SLIT3: variants seen among roughly 807,000 people sequenced by gnomAD.
SLIT3 encodes the protein slit guidance ligand 3.
In SLIT3, 68 loss-of-function variants were observed where a neutral mutation model predicts 184.0. That is an observed-to-expected ratio of 0.37 (90% CI 0.30 to 0.45). The LOEUF (loss-of-function observed/expected upper bound fraction) is 0.45, where lower values mean the gene tolerates loss of function less well. Ranked by LOEUF, SLIT3 falls within the 20% of genes least tolerant of loss-of-function variation. The pLI is 1.00. For missense variants in SLIT3, 1,707 were observed against 2,026.0 expected, an observed-to-expected ratio of 0.84 and a Z score of 3.02; for synonymous variants, 831 against 828.6, an observed-to-expected ratio of 1.00 and a Z score of -0.05.
chr5:168,933,988 CA>C (rs1297225992), intron 4 of SLIT3, among the ~76,000 whole-genome samples: 2 of 152,166 alleles, frequency 1.3e-5, no homozygotes, highest in East Asian at 3.9e-4. Context: ...GCTGCTTGCC[CA>C]ATTCCTCCCT....
intron 3 of SLIT3, among the ~76,000 whole-genome samples, chr5:169,222,875 T>C (rs748251368): frequency 1.7e-4 from 26 of 152,138 alleles, no homozygotes; most frequent in Admixed American, 2.6e-4. Context: ...CAGCCCACCG[T>C]TGACCAAAGT....
chr5:169,200,656 C>T (rs146608116), intron 3 of SLIT3, among the ~76,000 whole-genome samples: 3 of 152,240 alleles, frequency 2.0e-5, no homozygotes, highest in African/African-American at 4.8e-5. Flanking sequence ...CACTATAAAT[C>T]GGGGGCAAAA....
chr5:169,266,804 T>C (rs1159128317), intron 1 of SLIT3, among the ~76,000 whole-genome samples: 1 of 152,192 alleles, frequency 6.6e-6, no homozygotes, highest in African/African-American at 2.4e-5. Flanking sequence ...TCCATGATAA[T>C]CCAGAGCATG....
At chr5:168,827,468 C>T (rs966756047) in intron 6 of SLIT3, among the ~76,000 whole-genome samples, 3 of 152,194 alleles carry the variant, frequency 2.0e-5, no homozygotes, top group Admixed American at 2.0e-4. Context: ...CAGCTCCAAA[C>T]AGCCATTGAA....
At chr5:168,722,838 G>C (rs1762987277) in intron 22 of SLIT3, 95 bp downstream of exon 22, 1 of 933,944 alleles carries the variant, frequency 1.1e-6, no homozygotes, top group Non-Finnish European at 1.8e-6. Flanking sequence ...GGGTCATTAG[G>C]GCAGAGAAAC....
At chr5:169,148,617 G>A (rs1198564788) in intron 4 of SLIT3, among the ~76,000 whole-genome samples, 1 of 152,164 alleles carries the variant, frequency 6.6e-6, no homozygotes, top group Non-Finnish European at 1.5e-5. Flanking sequence ...TATTTTCTTT[G>A]CACGTTGTTC....
chr5:169,018,992 C>T (rs112569585), intron 4 of SLIT3, among the ~76,000 whole-genome samples: 35 of 152,188 alleles, frequency 2.3e-4, no homozygotes, highest in Non-Finnish European at 4.1e-4. Flanking sequence ...CAACTAGTCA[C>T]GCCCCGAGTC....
chr5:168,696,176 G>T (rs1403563819), intron 28 of SLIT3, 116 bp downstream of exon 28: 8 of 1,294,856 alleles, frequency 6.2e-6, no homozygotes, highest in Non-Finnish European at 8.8e-6. Flanking sequence ...CACAGTCTTG[G>T]GGTCTTAGTC....
chr5:168,934,965 T>TAA (rs59434182), intron 4 of SLIT3, among the ~76,000 whole-genome samples: 3 of 120,434 alleles, frequency 2.5e-5, no homozygotes, highest in Non-Finnish European at 3.6e-5. Context: ...CCATCTCTAC[T>TAA]AAAAAAAAAA....
At chr5:168,820,266 C>T (rs1210999801) in intron 7 of SLIT3, among the ~76,000 whole-genome samples, 2 of 152,132 alleles carry the variant, frequency 1.3e-5, no homozygotes, top group Non-Finnish European at 2.9e-5. Flanking sequence ...TCTTATCCCC[C>T]TTCTTCTGTT....
At chr5:168,886,183 C>T (rs1760201844) in intron 4 of SLIT3, among the ~76,000 whole-genome samples, 1 of 152,162 alleles carries the variant, frequency 6.6e-6, no homozygotes, top group Non-Finnish European at 1.5e-5. Flanking sequence ...TTCCATTGAG[C>T]TTCCCTTCTC....
intron 30 of SLIT3, among the ~76,000 whole-genome samples, 193 bp from the exon 31 acceptor site, chr5:168,686,120 T>G (rs1015466957): frequency 3.3e-5 from 5 of 152,180 alleles, no homozygotes; most frequent in African/African-American, 1.2e-4. Context: ...ATATTTCCCA[T>G]TTTTAAGAGA....
At chr5:169,097,892 G>T (rs150270070) in intron 4 of SLIT3, among the ~76,000 whole-genome samples, 1 of 152,228 alleles carries the variant, frequency 6.6e-6, no homozygotes, top group Non-Finnish European at 1.5e-5. Context: ...CAACTGAAAA[G>T]CTGAGACCTG....
At chr5:169,111,811 G>A (rs1268161358) in intron 4 of SLIT3, among the ~76,000 whole-genome samples, 1 of 152,208 alleles carries the variant, frequency 6.6e-6, no homozygotes, top group African/African-American at 2.4e-5. Context: ...GAAGGTTGAT[G>A]TGACCAGTGT....
At chr5:168,729,215 C>T (rs1763222950) in intron 20 of SLIT3, among the ~76,000 whole-genome samples, 2 of 151,952 alleles carry the variant, frequency 1.3e-5, no homozygotes, top group Non-Finnish European at 2.9e-5. Context: ...GTTTAGAAAA[C>T]ATATTTGAGA....
chr5:168,937,940 C>T (rs1762213008), intron 4 of SLIT3, among the ~76,000 whole-genome samples: 1 of 151,954 alleles, frequency 6.6e-6, no homozygotes, highest in East Asian at 1.9e-4. Flanking sequence ...ATCAGAAATA[C>T]CTTAGGTGCA....
chr5:169,098,367 G>T (rs1436037768), intron 4 of SLIT3, among the ~76,000 whole-genome samples: 1 of 152,062 alleles, frequency 6.6e-6, no homozygotes, highest in African/African-American at 2.4e-5. Context: ...GCACATTTTT[G>T]GCCTAGATGT....
chr5:168,988,136 A>C (rs937626774), intron 4 of SLIT3, among the ~76,000 whole-genome samples: 1 of 152,230 alleles, frequency 6.6e-6, no homozygotes, highest in African/African-American at 2.4e-5. Context: ...TGAATGGACC[A>C]TATGTGCACC....
intron 23 of SLIT3, chr5:168,720,921 G>A (rs57109567): frequency 1.3e-5 from 2 of 151,980 alleles, no homozygotes; most frequent in Non-Finnish European, 2.9e-5. Flanking sequence ...ATTGCTACTC[G>A]GCCCTGGAAT....
Sources: gnomAD v4.1 joint callset for allele counts (sites outside exome capture counted in the v4.1 genomes callset) on GRCh38, gnomAD v4.1.1 for gene constraint, MANE v1.5 for transcripts, NCBI Gene and HGNC (gene_info 2026-07-23, HGNC 2026-07-21) for gene names.